Variants in FGF14 observed in about 807,000 individuals in gnomAD.
The protein encoded by FGF14 is fibroblast growth factor homologous factor 4.
In FGF14, 5 loss-of-function variants were observed where a neutral mutation model predicts 25.5. That is an observed-to-expected ratio of 0.20 (90% CI 0.10 to 0.41). The LOEUF is 0.41. Ranked by LOEUF, FGF14 falls within the 10% of genes least tolerant of loss-of-function variation. FGF14 has a pLI of 1.00. For missense variants in FGF14, 222 were observed against 320.1 expected (o/e 0.69, Z 2.34); for synonymous variants, 138 against 118.3 (o/e 1.17, Z -1.08).
At chr13:101,905,510 C>T (rs1023613896) in intron 1 of FGF14, among the ~76,000 whole-genome samples, 18 of 151,802 alleles carry the variant, frequency 1.2e-4, no homozygotes, top group Admixed American at 3.3e-4. Context: ...AATGAGAACA[C>T]ATGGACATGG....
Position 101,916,453 on chromosome 13 carries a change from C to G in FGF14, c.193G>C (p.Asp65His). ...GLKKRRLRRQ[D>H]PQLKGIVTRL... is the part of the protein sequence containing the mutation. Reference sequence around the variant, plus strand: ...TCTCCCGACCATGACCCCCACAGACCTTGGCGCCGCAACCTGCGCTTCTTG... The same window carrying G: ...TCTCCCGACCATGACCCCCACAGACGTTGGCGCCGCAACCTGCGCTTCTTG... The change falls in exon 1 of 5, where the codon GAT becomes CAT. Residue 65 changes from aspartate (D) to histidine (H), a missense_variant and splice_region_variant. Physicochemically the swap from Asp to His is moderately conservative, Grantham distance 81. Coordinates refer to ENST00000376143, the MANE Select transcript of FGF14 (RefSeq NM_004115.4). 6.2e-7 allele frequency: 1 copy of G among 1,613,956 alleles called. No individual in the cohort carries two copies. Among genetic ancestry groups the G allele is most frequent in the Non-Finnish European group, 8.5e-7 (1 of 1,179,930 alleles).
intron 1 of FGF14, among the ~76,000 whole-genome samples, chr13:102,351,404 A>C (rs753195837): frequency 3.3e-5 from 5 of 152,222 alleles, no homozygotes; most frequent in Non-Finnish European, 7.3e-5. Flanking sequence ...CTTTGCCTGA[A>C]ATTATATTTT....
intron 3 of FGF14, chr13:101,802,486 A>G (rs908713189): frequency 6.9e-5 from 12 of 173,916 alleles, no homozygotes; most frequent in Non-Finnish European, 1.3e-4. Context: ...TGAATACTTT[A>G]GAGGAGGAGA....
intron 1 of FGF14, among the ~76,000 whole-genome samples, chr13:102,274,235 C>T (rs1248522785): frequency 6.6e-6 from 1 of 152,182 alleles, no homozygotes; most frequent in Non-Finnish European, 1.5e-5. Context: ...TTCAAACATG[C>T]TTTTTGGATA....
intron 1 of FGF14, among the ~76,000 whole-genome samples, chr13:102,133,775 G>C (rs2046298575): frequency 6.6e-6 from 1 of 152,160 alleles, no homozygotes; most frequent in African/African-American, 2.4e-5. Flanking sequence ...AGTTAAGCAT[G>C]GGCTACCTTG....
At chr13:102,271,011 G>A (rs749034839) in intron 1 of FGF14, among the ~76,000 whole-genome samples, 1 of 152,168 alleles carries the variant, frequency 6.6e-6, no homozygotes, top group Non-Finnish European at 1.5e-5. Context: ...ACAATAAGCA[G>A]TTAACATGGT....
intron 1 of FGF14, among the ~76,000 whole-genome samples, chr13:102,030,428 C>T (rs1321543062): frequency 6.6e-6 from 1 of 151,908 alleles, no homozygotes; most frequent in Non-Finnish European, 1.5e-5. Flanking sequence ...ACCAACCAGC[C>T]AACCTTCAGC....
intron 3 of FGF14, among the ~76,000 whole-genome samples, chr13:101,764,586 T>C (rs2038261364): frequency 6.6e-6 from 1 of 152,212 alleles, no homozygotes; most frequent in Non-Finnish European, 1.5e-5. Context: ...TCACTCTCCC[T>C]GCTTATTCTG....
intron 1 of FGF14, among the ~76,000 whole-genome samples, chr13:102,156,698 T>A (rs2140535745): frequency 6.6e-6 from 1 of 152,176 alleles, no homozygotes; most frequent in South Asian, 2.1e-4. Flanking sequence ...TGGTATTCAA[T>A]TAGGAAAAGA....
chr13:101,952,414 T>C (rs1488772007), intron 1 of FGF14, among the ~76,000 whole-genome samples: 1 of 54,260 alleles, frequency 1.8e-5, no homozygotes, highest in African/African-American at 1.5e-4. Flanking sequence ...TTTTGGCTAC[T>C]TTTTTTTTTT....
chr13:102,268,561 T>C (rs1485020894), intron 1 of FGF14, among the ~76,000 whole-genome samples: 1 of 152,036 alleles, frequency 6.6e-6, no homozygotes, highest in African/African-American at 2.4e-5. Flanking sequence ...AAAATCTCAA[T>C]AGAGTTTCTA....
chr13:101,812,416 A>G (rs2041565333), intron 3 of FGF14, among the ~76,000 whole-genome samples: 1 of 151,748 alleles, frequency 6.6e-6, no homozygotes, highest in African/African-American at 2.4e-5. Flanking sequence ...AACTATAGAC[A>G]TAAGCAGCAA....
intron 1 of FGF14, among the ~76,000 whole-genome samples, chr13:102,113,389 C>T: frequency 6.6e-6 from 1 of 152,194 alleles, no homozygotes; most frequent in Non-Finnish European, 1.5e-5. Flanking sequence ...GGACATCGAT[C>T]AAACCATGCA....
intron 1 of FGF14, among the ~76,000 whole-genome samples, chr13:101,931,186 T>C (rs1314308029): frequency 6.6e-6 from 1 of 152,184 alleles, no homozygotes; most frequent in African/African-American, 2.4e-5. Context: ...AGGAGAGCTA[T>C]TGCTGAGATC....
At chr13:102,046,915 GA>G (rs1347801813) in intron 1 of FGF14, among the ~76,000 whole-genome samples, 3 of 152,014 alleles carry the variant, frequency 2.0e-5, no homozygotes, top group Non-Finnish European at 4.4e-5. Flanking sequence ...AATTACTTAA[GA>G]AAAAAATATT....
chr13:101,801,243 A>T lies in FGF14; in HGVS notation c.408+67482T>A, dbSNP rs542936279. 9.8e-5 allele frequency among the ~76,000 whole-genome samples: 15 copies of T among 152,292 alleles called. No homozygotes were observed. In the East Asian group the frequency reaches 2.9e-3, roughly 29 times the overall value. On this transcript the variant is annotated intron_variant, in intron 3 of 4. Coordinates refer to ENST00000376143, the MANE Select transcript of FGF14 (RefSeq NM_004115.4). ...AGGAAAGCTATGAGGAACCATATAG[A>T]GTCTTAGGGTCTATAAGGAGAGCTA...
chr13:102,357,170 C>G (rs948082903), intron 1 of FGF14, among the ~76,000 whole-genome samples: 1 of 149,736 alleles, frequency 6.7e-6, no homozygotes. Context: ...TCATGGTAAA[C>G]TCCTCACATT....
Position 101,764,877 on chromosome 13 carries a change from C to G in FGF14, c.409-38067G>C, listed in dbSNP as rs575859205. Among the ~76,000 whole-genome samples the G allele has an allele frequency of 8.5e-5, 13 of 152,230 alleles. No individual in the cohort carries two copies. In the South Asian group the frequency reaches 2.3e-3, roughly 27 times the overall value. The stretch of plus-strand genomic sequence containing the variant: ...CAGCTTGTATGGAGTTGAATTTGAC[C>G]TTGGATGAGAATTAGCATTTTAATA... On this transcript the variant is annotated intron_variant, in intron 3 of 4. Transcript: ENST00000376143.
In FGF14 at chr13:102,013,154, C is replaced by A. The variant is rs2040167209; in HGVS notation, c.209-137858G>T. ...TGGATGACGGAGCAGAACCCTGTCACACACACACAAAAGAAACAAACAAAA... is the reference window on the plus strand; with the variant it reads ...TGGATGACGGAGCAGAACCCTGTCAAACACACACAAAAGAAACAAACAAAA... On this transcript the variant is annotated intron_variant, in intron 1 of 4. Transcript: ENST00000376131. Among the ~76,000 whole-genome samples, 3 of 151,898 alleles carry A rather than the reference C, an allele frequency of 2.0e-5. No individual in the cohort carries two copies. In the South Asian group the frequency reaches 6.2e-4, roughly 32 times the overall value.
Sources: allele counts gnomAD v4.1 joint callset (sites outside exome capture counted in the v4.1 genomes callset), GRCh38; gene constraint gnomAD v4.1.1; transcripts MANE v1.5; gene names NCBI Gene and HGNC (gene_info 2026-07-23, HGNC 2026-07-21).